The following DACH1 variants were observed in gnomAD, a reference collection of about 807,000 sequenced individuals.
The protein encoded by DACH1 is dachshund family transcription factor 1.
DACH1 carries 12 observed loss-of-function variants against 54.2 expected under a neutral mutation model. That is an observed-to-expected ratio of 0.22 (90% CI 0.14 to 0.36). The LOEUF (loss-of-function observed/expected upper bound fraction) is 0.36. DACH1 is among the 10% of genes least tolerant of loss of function. The pLI, the probability that DACH1 is intolerant of heterozygous loss-of-function variation, is 1.00. For missense variants in DACH1, 805 were observed against 929.8 expected (o/e 0.87, Z 1.75); for synonymous variants, 386 against 366.2 (o/e 1.05, Z -0.62).
intron 1 of DACH1, among the ~76,000 whole-genome samples, chr13:71,757,839 A>C (rs1314589781): frequency 2.0e-5 from 3 of 152,138 alleles, no homozygotes; most frequent in Non-Finnish European, 4.4e-5. Context: ...GTACTTTGAA[A>C]GTAGCAATCC....
chr13:71,521,475 T>G (rs928880616), intron 6 of DACH1, among the ~76,000 whole-genome samples: 4 of 151,996 alleles, frequency 2.6e-5, no homozygotes, highest in African/African-American at 9.7e-5. Flanking sequence ...AATCCAAAAT[T>G]TTAAACCTAT....
At chr13:71,579,873 G>A (rs1432666394) in intron 3 of DACH1, among the ~76,000 whole-genome samples, 4 of 151,868 alleles carry the variant, frequency 2.6e-5, no homozygotes, top group African/African-American at 2.4e-5. Context: ...CATGCTGTAA[G>A]TGTTAACCAG....
chr13:71,635,044 T>A (rs1877374676), intron 2 of DACH1, among the ~76,000 whole-genome samples: 1 of 152,216 alleles, frequency 6.6e-6, no homozygotes, highest in Admixed American at 6.5e-5. Flanking sequence ...TCTTCGTATA[T>A]ATATCCCAAA....
intron 3 of DACH1, among the ~76,000 whole-genome samples, chr13:71,597,739 ACAAGTAAAATACAG>A (rs1461594863): frequency 6.6e-6 from 1 of 152,178 alleles, no homozygotes; most frequent in African/African-American, 2.4e-5. Context: ...GTTGAGTCAC[ACAAGTAAAATACAG>A]CATCTTGTCC....
At chr13:71,813,755 G>T (rs1476336451) in intron 1 of DACH1, among the ~76,000 whole-genome samples, 2 of 151,984 alleles carry the variant, frequency 1.3e-5, no homozygotes, top group Admixed American at 1.3e-4. Flanking sequence ...TATTTAAAGG[G>T]ATTGCCATTT....
At chr13:71,493,722 C>T (rs145224111) in intron 6 of DACH1, among the ~76,000 whole-genome samples, 183 of 152,066 alleles carry the variant, frequency 1.2e-3, no homozygotes, top group African/African-American at 4.1e-3. Context: ...ATGTAAAATT[C>T]CACATTTTCT....
rs561720513 is a variant in DACH1 at position 71,508,198 on chromosome 13, C to T, written c.1571-19050G>A. ...TATTAGTACGTTTACTTACTGATCACTTCTTTTGTGGGTCAGCATATTTGA... is the reference window on the plus strand; with the variant it reads ...TATTAGTACGTTTACTTACTGATCATTTCTTTTGTGGGTCAGCATATTTGA... On this transcript the variant is annotated intron_variant, in intron 6 of 10. Transcript: ENST00000613252. Among the ~76,000 whole-genome samples, 5 of 152,260 alleles carry T rather than the reference C, an allele frequency of 3.3e-5. No homozygotes were observed. The South Asian group carries it at 1.0e-3, about 32-fold the overall frequency.
intron 1 of DACH1, among the ~76,000 whole-genome samples, chr13:71,830,641 A>G (rs1044965664): frequency 6.6e-6 from 1 of 151,840 alleles, no homozygotes; most frequent in Non-Finnish European, 1.5e-5. Flanking sequence ...CGAGAGCCAG[A>G]ATTCCCTTTC....
chr13:71,571,258 C>T (rs758807019), intron 4 of DACH1, among the ~76,000 whole-genome samples: 50 of 151,920 alleles, frequency 3.3e-4, no homozygotes, highest in Non-Finnish European at 5.9e-4. Flanking sequence ...ATACTTAGTA[C>T]CTTGTAATAT....
chr13:71,606,997 A>C (rs962560616), intron 3 of DACH1, among the ~76,000 whole-genome samples: 2 of 152,008 alleles, frequency 1.3e-5, no homozygotes, highest in African/African-American at 4.8e-5. Flanking sequence ...TTGTTCCAAC[A>C]ACACTCATGT....
At position 71,489,102 on chromosome 13, in the gene DACH1, T is replaced by C; in HGVS notation, c.1617A>G (p.Lys539=). Residue 539 remains lysine (K), a synonymous_variant, in exon 7 of 11, where the codon AAA becomes AAG. Transcript: ENST00000613252. The stretch of plus-strand genomic sequence containing the variant: ...GTTGTCCATGCCCAGTTAGAGAGAG[T>C]TTGTCAAGGCTGTCTCTTGCGGTTG... The part of the protein sequence containing the change: ...STPTARDSLD[K]LSLTGHGQPL... 1 of 1,612,880 alleles carries C rather than the reference T, an allele frequency of 6.2e-7. No homozygotes were observed. Among genetic ancestry groups the C allele is most frequent in the South Asian group, 1.1e-5 (1 of 90,984 alleles).
At chr13:71,557,346 G>C (rs975459949) in intron 5 of DACH1, among the ~76,000 whole-genome samples, 188 bp from the exon 6 acceptor site, 1 of 151,992 alleles carries the variant, frequency 6.6e-6, no homozygotes, top group Non-Finnish European at 1.5e-5. Flanking sequence ...TAATTTGTCA[G>C]AATATGCAGA....
At chr13:71,794,365 A>G (rs1309325240) in intron 1 of DACH1, among the ~76,000 whole-genome samples, 1 of 152,256 alleles carries the variant, frequency 6.6e-6, no homozygotes, top group East Asian at 1.9e-4. Flanking sequence ...GTGTCTCCAC[A>G]TCAAATATTC....
At chr13:71,616,006 CTG>C (rs2138528642) in intron 3 of DACH1, among the ~76,000 whole-genome samples, 1 of 152,238 alleles carries the variant, frequency 6.6e-6, no homozygotes, top group South Asian at 2.1e-4. Context: ...GATGAGGAAA[CTG>C]AGATTCATAG....
chr13:71,564,171 T>G (rs537298714), intron 4 of DACH1, among the ~76,000 whole-genome samples: 2 of 152,162 alleles, frequency 1.3e-5, no homozygotes, highest in South Asian at 4.1e-4. Context: ...ATCTCATAAT[T>G]ATTACTGAAA....
In DACH1 at chr13:71,819,680, T is replaced by A. The variant is rs570581060; in HGVS notation, c.848+46242A>T. 2.0e-5 allele frequency among the ~76,000 whole-genome samples: 3 copies of A among 152,152 alleles called. No homozygotes were observed. The East Asian group carries it at 5.8e-4, about 29-fold the overall frequency. ...TGACAGAAAAAGAGCAAATTGAAGG[T>A]GTAAAGGCTCTGTTTCATCATTCAA... On this transcript the variant is annotated intron_variant, in intron 1 of 10. Transcript: ENST00000613252.
At chr13:71,784,457 A>C (rs779553136) in intron 1 of DACH1, among the ~76,000 whole-genome samples, 3 of 152,168 alleles carry the variant, frequency 2.0e-5, no homozygotes, top group African/African-American at 7.2e-5. Flanking sequence ...ATTGGTATAC[A>C]ACAATGCACA....
At chr13:71,801,294 G>A (rs1887278391) in intron 1 of DACH1, among the ~76,000 whole-genome samples, 2 of 152,122 alleles carry the variant, frequency 1.3e-5, no homozygotes, top group African/African-American at 4.8e-5. Context: ...CACCAGAAAT[G>A]TCAGAGTTTA....
intron 3 of DACH1, among the ~76,000 whole-genome samples, chr13:71,577,483 A>G (rs1885603025): frequency 6.6e-6 from 1 of 152,176 alleles, no homozygotes; most frequent in Admixed American, 6.6e-5. Context: ...CATTCTTAGA[A>G]AGGAAGAAGG....
Sources: gnomAD v4.1 joint callset for allele counts (sites outside exome capture counted in the v4.1 genomes callset) on GRCh38, gnomAD v4.1.1 for gene constraint, MANE v1.5 for transcripts, NCBI Gene and HGNC (gene_info 2026-07-23, HGNC 2026-07-21) for gene names.